Variants in C6 observed in about 807,000 individuals in gnomAD.
C6 encodes the protein complement C6.
In C6, 101 loss-of-function variants were observed where a neutral mutation model predicts 112.9. The observed-to-expected ratio is 0.89, with a 90% confidence interval of 0.76 to 1.06. C6 has a LOEUF of 1.06. Ranked by LOEUF, C6 falls within the 50% of genes least tolerant of loss-of-function variation. The probability of loss-of-function intolerance (pLI) is 0.00; values close to 1 mark genes in which losing one functional copy is unlikely to be tolerated. For synonymous variants in C6, 431 were observed against 384.1 expected (o/e 1.12, Z -1.43); for missense variants, 1,202 against 1,104.6 (o/e 1.09, Z -1.25).
Position 41,208,989 on chromosome 5 carries a change from T to C in C6, c.-21+4387A>G, listed in dbSNP as rs573885502. Among the ~76,000 whole-genome samples, 14 of 152,224 alleles carry C rather than the reference T, an allele frequency of 9.2e-5. No individual in the cohort carries two copies. The South Asian group carries it at 1.5e-3, about 16-fold the overall frequency. On this transcript the variant is annotated intron_variant, in intron 1 of 17. Transcript: ENST00000337836. ...AATCCTCAATAAAATACTGGCAAAC[T>C]GAATCCAGCAGCACATCAAAAAGCT...
intron 1 of C6, among the ~76,000 whole-genome samples, chr5:41,243,952 C>G (rs1740879328): frequency 6.6e-6 from 1 of 152,158 alleles, no homozygotes. Flanking sequence ...AAACCAAGGT[C>G]ATAACACACA....
intron 1 of C6, among the ~76,000 whole-genome samples, chr5:41,225,149 T>A (rs1348024223): frequency 1.3e-5 from 2 of 152,200 alleles, no homozygotes; most frequent in Non-Finnish European, 1.5e-5. Flanking sequence ...TGTGCCATGT[T>A]GGTGTGCCGC....
At chr5:41,178,501 GAGCT>G (rs1246281285) in intron 7 of C6, among the ~76,000 whole-genome samples, 1 of 9,840 alleles carries the variant, frequency 1.0e-4, no homozygotes, top group Non-Finnish European at 2.5e-4. Context: ...GATGGAGACA[GAGCT>G]AGCTCTGTCA....
chr5:41,173,397 G>T (rs1213790886), intron 8 of C6, among the ~76,000 whole-genome samples: 1 of 152,184 alleles, frequency 6.6e-6, no homozygotes, highest in Admixed American at 6.5e-5. Context: ...AACAGATGTA[G>T]TATTTTTGTA....
At chr5:41,189,738 T>C (rs960018441) in intron 5 of C6, among the ~76,000 whole-genome samples, 1 of 152,104 alleles carries the variant, frequency 6.6e-6, no homozygotes, top group Non-Finnish European at 1.5e-5. Context: ...TGTAATTTTG[T>C]AACCTTTAAC....
intron 15 of C6, among the ~76,000 whole-genome samples, chr5:41,153,441 C>T (rs1450303629): frequency 6.6e-6 from 1 of 152,210 alleles, no homozygotes; most frequent in East Asian, 1.9e-4. Flanking sequence ...CTGACACTTA[C>T]ATTCCTTGTA....
chr5:41,166,102 G>C (rs1747952345), intron 9 of C6, among the ~76,000 whole-genome samples: 1 of 152,094 alleles, frequency 6.6e-6, no homozygotes, highest in Non-Finnish European at 1.5e-5. Context: ...TTTAAAAGCT[G>C]AGAATTTCTC....
intron 1 of C6, among the ~76,000 whole-genome samples, chr5:41,232,892 T>A (rs1739997357): frequency 1.3e-5 from 2 of 152,048 alleles, no homozygotes; most frequent in Non-Finnish European, 2.9e-5. Flanking sequence ...CATTATTAGT[T>A]TTACTGTGAC....
intron 1 of C6, among the ~76,000 whole-genome samples, chr5:41,231,607 G>A (rs1356473979): frequency 6.6e-6 from 1 of 151,902 alleles, no homozygotes; most frequent in Admixed American, 6.6e-5. Flanking sequence ...TCATTTTGGG[G>A]TTTGTTTTAT....
intron 1 of C6, among the ~76,000 whole-genome samples, chr5:41,255,074 A>G (rs952132478): frequency 6.6e-6 from 1 of 152,178 alleles, no homozygotes; most frequent in Non-Finnish European, 1.5e-5. Context: ...AAAGGATAAG[A>G]GTCTTGGCCA....
chr5:41,169,573 T>C (rs999992966), intron 9 of C6, among the ~76,000 whole-genome samples: 1 of 152,110 alleles, frequency 6.6e-6, no homozygotes, highest in Non-Finnish European at 1.5e-5. Flanking sequence ...AGAGGTTTAA[T>C]TGGGTCACCG....
chr5:41,212,548 T>C (rs1242310815), intron 1 of C6, among the ~76,000 whole-genome samples: 1 of 152,180 alleles, frequency 6.6e-6, no homozygotes, highest in East Asian at 1.9e-4. Flanking sequence ...TCTTATTTAT[T>C]AATTTCCACA....
intron 11 of C6, 154 bp from the exon 12 acceptor site, chr5:41,159,407 C>T (rs3830073): frequency 0.15 from 143,221 of 978,170 alleles, 10,758 homozygotes; most frequent in East Asian, 0.33. Flanking sequence ...ATTACCTGTG[C>T]AAGGGGCCTG....
chr5:41,242,099 T>C (rs1253513419), intron 1 of C6, among the ~76,000 whole-genome samples: 2 of 152,160 alleles, frequency 1.3e-5, no homozygotes, highest in African/African-American at 4.8e-5. Flanking sequence ...AAAAAAAAAC[T>C]TGGAGAAAAT....
At chr5:41,223,656 A>G (rs756875687) in intron 1 of C6, among the ~76,000 whole-genome samples, 15 of 152,212 alleles carry the variant, frequency 9.9e-5, no homozygotes, top group Non-Finnish European at 1.2e-4. Flanking sequence ...TGTATGAAAG[A>G]TAGCAAAAAT....
chr5:41,161,527 G>T (rs959326954), intron 10 of C6, among the ~76,000 whole-genome samples, 166 bp downstream of exon 10: 17 of 152,074 alleles, frequency 1.1e-4, no homozygotes, highest in African/African-American at 4.1e-4. Flanking sequence ...AAACGCATTA[G>T]ACATGCAATT....
At position 41,149,260 on chromosome 5, in the gene C6, A is replaced by G. The variant is rs1746144322; in HGVS notation, c.2604T>C (p.Tyr868=). 1 of 1,614,092 alleles carries G rather than the reference A, an allele frequency of 6.2e-7. No individual in the cohort carries two copies. The highest frequency in any genetic ancestry group is 8.5e-7 in the Non-Finnish European group (1 of 1,179,954). Residue 868 remains tyrosine, a synonymous_variant, in exon 17 of 18, where the codon TAT becomes TAC. Coordinates refer to ENST00000337836, the MANE Select transcript of C6 (RefSeq NM_000065.5). The part of the protein sequence containing the change: ...KKESCGYDTC[Y]DWEKCSASTS... ...ACTTACCTGAACATTTTTCCCAGTCATAGCAGGTGTCATAGCCACAGGATT... is the reference window on the plus strand; with the variant it reads ...ACTTACCTGAACATTTTTCCCAGTCGTAGCAGGTGTCATAGCCACAGGATT...
intron 9 of C6, among the ~76,000 whole-genome samples, chr5:41,165,635 T>C (rs1561117343): frequency 6.6e-6 from 1 of 152,172 alleles, no homozygotes; most frequent in Non-Finnish European, 1.5e-5. Context: ...ATGTCTTTAC[T>C]ACATGTCACT....
intron 1 of C6, among the ~76,000 whole-genome samples, chr5:41,234,370 T>TG (rs962823723): frequency 6.7e-5 from 9 of 134,450 alleles, no homozygotes; most frequent in African/African-American, 2.4e-4. Flanking sequence ...TTTTGTTTTT[T>TG]TTTTTTGCTT....
Sources: gnomAD v4.1 joint callset for allele counts (sites outside exome capture counted in the v4.1 genomes callset) on GRCh38, gnomAD v4.1.1 for gene constraint, MANE v1.5 for transcripts, NCBI Gene and HGNC (gene_info 2026-07-23, HGNC 2026-07-21) for gene names.